TCF4: variants seen among roughly 807,000 people sequenced by gnomAD.
TCF4 encodes the protein transcription factor 4, also known as SL3-3 enhancer factor 2.
TCF4 carries 3 observed loss-of-function variants against 82.1 expected under a neutral mutation model. The observed-to-expected ratio is 0.04, with a 90% CI of 0.02 to 0.09. TCF4 has a LOEUF of 0.09. Ranked by LOEUF, TCF4 falls within the 10% of genes least tolerant of loss-of-function variation. The pLI, the probability that TCF4 is intolerant of heterozygous loss-of-function variation, is 1.00. For missense variants in TCF4, 518 were observed against 852.7 expected (o/e 0.61, Z 4.89); for synonymous variants, 276 against 309.6 (o/e 0.89, Z 1.14).
rs565338759 is a variant in TCF4 at position 55,599,804 on chromosome 18, T to A, written c.287-12668A>T. Among the ~76,000 whole-genome samples, 6 of 152,330 alleles carry A rather than the reference T, an allele frequency of 3.9e-5. No individual in the cohort carries two copies. The East Asian group carries it at 1.2e-3, about 29-fold the overall frequency. ...CGATAAATTTTTACTTATATATACA[T>A]CAGTGTAACCACTACCCAGATCAAG... On this transcript the variant is annotated intron_variant, in intron 2 of 20. Transcript: ENST00000398339.
chr18:55,297,147 GTT>G (rs35268463), intron 8 of TCF4, among the ~76,000 whole-genome samples: 4,685 of 63,922 alleles, frequency 0.073, 63 homozygotes, highest in South Asian at 0.17. Context: ...TTTCTTTGAG[GTT>G]TTTTTTTTTT....
chr18:55,374,217 A>T (rs1021854575), intron 6 of TCF4, among the ~76,000 whole-genome samples: 11 of 152,284 alleles, frequency 7.2e-5, no homozygotes, highest in African/African-American at 2.2e-4. Flanking sequence ...AATTAAATGA[A>T]CAAAACATAC....
chr18:55,261,439 T>G (rs777983917), intron 12 of TCF4, 27 bp downstream of exon 12: 1 of 1,612,866 alleles, frequency 6.2e-7, no homozygotes, highest in Non-Finnish European at 8.5e-7. Flanking sequence ...ATGGTACATA[T>G]GGAGTCCAAA....
chr18:55,384,517 T>C (rs1190304986), intron 6 of TCF4, among the ~76,000 whole-genome samples: 2 of 152,126 alleles, frequency 1.3e-5, no homozygotes, highest in Admixed American at 6.6e-5. Flanking sequence ...AAAACTGGCA[T>C]AGGGAAAGAA....
intron 3 of TCF4, among the ~76,000 whole-genome samples, chr18:55,509,659 T>C (rs1464071100): frequency 6.6e-6 from 1 of 152,218 alleles, no homozygotes; most frequent in African/African-American, 2.4e-5. Context: ...ATCCCCTTTA[T>C]ACTAAAACAA....
intron 5 of TCF4, among the ~76,000 whole-genome samples, chr18:55,448,062 A>G (rs2095557567): frequency 6.6e-6 from 1 of 152,166 alleles, no homozygotes; most frequent in African/African-American, 2.4e-5. Context: ...AGAATGCACT[A>G]AAATATTGTT....
chr18:55,363,157 T>A (rs1332584687), intron 6 of TCF4, among the ~76,000 whole-genome samples: 1 of 152,108 alleles, frequency 6.6e-6, no homozygotes, highest in Non-Finnish European at 1.5e-5. Flanking sequence ...TACAAAGATG[T>A]AAGTTGAGAA....
intron 5 of TCF4, among the ~76,000 whole-genome samples, chr18:55,411,543 T>C (rs1216395967): frequency 2.0e-5 from 3 of 152,188 alleles, no homozygotes; most frequent in East Asian, 1.9e-4. Flanking sequence ...ATATTTTCAC[T>C]ATGTTCTTAG....
At chr18:55,325,258 G>A (rs1426241357) in intron 8 of TCF4, among the ~76,000 whole-genome samples, 5 of 152,112 alleles carry the variant, frequency 3.3e-5, no homozygotes, top group Non-Finnish European at 5.9e-5. Flanking sequence ...AGGGTTCACA[G>A]ACATGTCAAT....
At chr18:55,279,496 T>C (rs2062095062) in intron 9 of TCF4, 55 bp downstream of exon 9, 5 of 1,612,144 alleles carry the variant, frequency 3.1e-6, no homozygotes, top group South Asian at 2.2e-5. Context: ...TGACATTAAG[T>C]GACCCAGGAA....
intron 5 of TCF4, 54 bp from the exon 6 acceptor site, chr18:55,403,572 T>C: frequency 6.2e-7 from 1 of 1,613,330 alleles, no homozygotes. Context: ...TAAAAAAAAA[T>C]CTCCTCCAGG....
At chr18:55,566,780 C>A (rs1212065749) in intron 3 of TCF4, among the ~76,000 whole-genome samples, 2 of 151,648 alleles carry the variant, frequency 1.3e-5, no homozygotes, top group African/African-American at 2.4e-5. Flanking sequence ...ATCGGAATCC[C>A]CAAAGAAGAG....
chr18:55,429,633 C>T (rs574457203), intron 5 of TCF4, among the ~76,000 whole-genome samples: 9 of 151,876 alleles, frequency 5.9e-5, no homozygotes, highest in South Asian at 4.2e-4. Flanking sequence ...TGGTGGTGGG[C>T]GCCTGTGGTC....
At chr18:55,262,292 T>C (rs2058232108) in intron 11 of TCF4, among the ~76,000 whole-genome samples, 1 of 152,182 alleles carries the variant, frequency 6.6e-6, no homozygotes, top group South Asian at 2.1e-4. Flanking sequence ...CAGTATACAA[T>C]TCAAAGCCAG....
chr18:55,295,253 A>G (rs2066183081), intron 8 of TCF4, among the ~76,000 whole-genome samples: 1 of 152,162 alleles, frequency 6.6e-6, no homozygotes, highest in Non-Finnish European at 1.5e-5. Context: ...GTTTTCTGAA[A>G]TCTCCCAGGC....
exon 1 of TCF4, chr18:55,635,778 A>C: frequency 1.3e-6 from 2 of 1,550,946 alleles, no homozygotes; most frequent in Non-Finnish European, 1.7e-6. Flanking sequence ...GAGAAGTTTT[A>C]AAAAATGATG....
intron 6 of TCF4, among the ~76,000 whole-genome samples, chr18:55,398,854 T>A (rs1455018488): frequency 4.6e-5 from 7 of 152,168 alleles, no homozygotes; most frequent in African/African-American, 1.7e-4. Flanking sequence ...GAAATCAGCA[T>A]GCAACAAACA....
At chr18:55,634,388 A>T (rs925256134) in intron 1 of TCF4, among the ~76,000 whole-genome samples, 1 of 152,026 alleles carries the variant, frequency 6.6e-6, no homozygotes, top group Admixed American at 6.5e-5. Context: ...AATATTTTAC[A>T]TATTTGTTTC....
chr18:55,589,924 G>T, upstream of TCF4: 1 of 780,102 alleles, frequency 1.3e-6, no homozygotes, highest in Non-Finnish European at 1.6e-6. Flanking sequence ...CAAGATGGCG[G>T]TGCTGGTCGA....
Sources: gnomAD v4.1 joint callset for allele counts (sites outside exome capture counted in the v4.1 genomes callset) on GRCh38, gnomAD v4.1.1 for gene constraint, MANE v1.5 for transcripts, NCBI Gene and HGNC (gene_info 2026-07-23, HGNC 2026-07-21) for gene names.